Variants in ESYT3 observed in about 807,000 individuals in gnomAD.
ESYT3 encodes extended synaptotagmin-3.
A neutral mutation model predicts 111.5 loss-of-function variants in ESYT3; 101 were observed. The ratio of observed to expected loss-of-function variants is 0.91; its 90% CI spans 0.77 to 1.07. The LOEUF (loss-of-function observed/expected upper bound fraction) is 1.07. ESYT3 is among the 50% of genes least tolerant of loss of function. ESYT3 has a pLI of 0.00. For missense variants in ESYT3, 1,097 were observed against 1,109.4 expected (o/e 0.99, Z 0.16); for synonymous variants, 416 against 446.8 (o/e 0.93, Z 0.87).
chr3:138,451,400 T>G (rs186718589), intron 1 of ESYT3, among the ~76,000 whole-genome samples: 1 of 152,368 alleles, frequency 6.6e-6, no homozygotes, highest in East Asian at 1.9e-4. Context: ...GTTAAGTACT[T>G]ATCACTGGGT....
intron 1 of ESYT3, among the ~76,000 whole-genome samples, chr3:138,441,518 T>G (rs1185755432): frequency 6.6e-6 from 1 of 152,104 alleles, no homozygotes; most frequent in African/African-American, 2.4e-5. Context: ...CTCTGGTGAC[T>G]TTGGGGAGGG....
At chr3:138,443,160 A>G (rs546236484) in intron 1 of ESYT3, among the ~76,000 whole-genome samples, 2 of 152,284 alleles carry the variant, frequency 1.3e-5, no homozygotes, top group East Asian at 1.9e-4. Flanking sequence ...TCATCTGCTC[A>G]GTTCTGCTGG....
chr3:138,474,948 TTC>T (rs1560248554), intron 20 of ESYT3, among the ~76,000 whole-genome samples: 1 of 152,234 alleles, frequency 6.6e-6, no homozygotes, highest in African/African-American at 2.4e-5. Context: ...TACCTTCTGC[TTC>T]AGGGTTCTAA....
Position 138,459,196 on chromosome 3 carries a change from G to T in ESYT3, c.591G>T (p.Gly197=), listed in dbSNP as rs1217363814. The change falls in exon 5 of 23, where the codon GGG becomes GGT. Residue 197 remains glycine, a synonymous_variant. Coordinates refer to ENST00000389567, the MANE Select transcript of ESYT3 (RefSeq NM_031913.5). Reference sequence around the variant, plus strand: ...CCACCCCCCATTTCAGCTACATCGGGGACTGTGAGATCAGTGTGGAGCTGC... The same window carrying T: ...CCACCCCCCATTTCAGCTACATCGGTGACTGTGAGATCAGTGTGGAGCTGC... The part of the protein sequence containing the change: ...VTVDLQICYI[G]DCEISVELQK... 1 of 1,537,786 alleles carries T rather than the reference G, an allele frequency of 6.5e-7. No individual in the cohort carries two copies. The highest frequency in any genetic ancestry group is 1.8e-5 in the Admixed American group (1 of 55,938).
At chr3:138,462,327 G>A (rs887209621) in intron 8 of ESYT3, 121 bp downstream of exon 8, 30 of 1,387,464 alleles carry the variant, frequency 2.2e-5, no homozygotes, top group African/African-American at 2.8e-5. Flanking sequence ...CCAGAAAAAT[G>A]GTACAAACAC....
Position 138,477,246 on chromosome 3 carries a change from G to A in ESYT3, c.*392G>A, listed in dbSNP as rs2033528070. 1 of 159,368 alleles carries A rather than the reference G, an allele frequency of 6.3e-6. No homozygotes were observed. Among genetic ancestry groups the A allele is most frequent in the Non-Finnish European group, 1.4e-5 (1 of 73,052 alleles). The allele number at this position is 159,368 out of a possible 1,614,324, so 9.9% of individuals were successfully genotyped here. Reference sequence around the variant, plus strand: ...AGAAAGTGTCCTGCCTCTGGCATAGGGGCTGGGGGAGGTCTGTTTCTGGAG... The same window carrying A: ...AGAAAGTGTCCTGCCTCTGGCATAGAGGCTGGGGGAGGTCTGTTTCTGGAG... On this transcript the variant is annotated 3_prime_UTR_variant, in exon 23 of 23. Transcript: ENST00000389567.
chr3:138,451,033 C>T (rs1450495260), intron 1 of ESYT3, among the ~76,000 whole-genome samples: 7 of 152,232 alleles, frequency 4.6e-5, no homozygotes, highest in Non-Finnish European at 7.3e-5. Flanking sequence ...ACGCTTACTC[C>T]TCTGTAAGAA....
At chr3:138,476,200 C>T in intron 20 of ESYT3, 23 bp from the exon 21 acceptor site, 2 of 1,436,684 alleles carry the variant, frequency 1.4e-6, no homozygotes, top group South Asian at 1.2e-5. Context: ...GCATAATTCT[C>T]ACTTCCTTTT....
At chr3:138,467,980 T>C in intron 11 of ESYT3, 125 bp from the exon 12 acceptor site, 1 of 781,224 alleles carries the variant, frequency 1.3e-6, no homozygotes, top group Admixed American at 2.3e-5. Flanking sequence ...GGTCCACCTT[T>C]TCCCATACTA....
chr3:138,443,467 C>T (rs1273973712), intron 1 of ESYT3, among the ~76,000 whole-genome samples: 1 of 152,190 alleles, frequency 6.6e-6, no homozygotes, highest in Non-Finnish European at 1.5e-5. Context: ...AGAGCAGCAG[C>T]TGATCTTGGG....
At chr3:138,461,921 T>C (rs1045092703) in intron 7 of ESYT3, among the ~76,000 whole-genome samples, 165 bp from the exon 8 acceptor site, 2 of 151,968 alleles carry the variant, frequency 1.3e-5, no homozygotes, top group Non-Finnish European at 2.9e-5. Context: ...GCTGTCACGA[T>C]GTATAGGCAC....
chr3:138,466,490 A>T (rs1203151396), intron 10 of ESYT3, among the ~76,000 whole-genome samples: 2 of 152,198 alleles, frequency 1.3e-5, no homozygotes, highest in African/African-American at 4.8e-5. Flanking sequence ...CAATTTTTGT[A>T]ATGTTGCAGA....
At position 138,457,569 on chromosome 3, in the gene ESYT3, G is replaced by A. The variant is rs766107080; in HGVS notation, c.506G>A (p.Cys169Tyr). ...TAGCCCTTTTGGCATTTCTTCCAGT[G>A]TCCCAGGGTCAACGGTGTCAAGGCA... ...TFTKLYFGQK[C>Y]PRVNGVKAHT... The change falls in exon 4 of 23, where the codon TGT becomes TAT. Residue 169 changes from cysteine to tyrosine, a missense_variant and splice_region_variant. Cys to Tyr is a radical substitution (Grantham distance 194). Transcript: ENST00000389567. The A allele has an allele frequency of 3.7e-6, 6 of 1,614,130 alleles. No homozygotes were observed. In the South Asian group the frequency reaches 6.6e-5, roughly 18 times the overall value.
intron 8 of ESYT3, among the ~76,000 whole-genome samples, chr3:138,463,999 A>G (rs2032788120): frequency 6.6e-6 from 1 of 152,198 alleles, no homozygotes; most frequent in Non-Finnish European, 1.5e-5. Context: ...AGGACACACA[A>G]CAGAGGGGTC....
intron 1 of ESYT3, among the ~76,000 whole-genome samples, chr3:138,448,235 C>G (rs2108599434): frequency 6.9e-6 from 1 of 144,878 alleles, no homozygotes; most frequent in South Asian, 2.2e-4. Context: ...CCATTGCACT[C>G]CAGCCTGGGC....
intron 3 of ESYT3, among the ~76,000 whole-genome samples, chr3:138,457,215 A>T (rs1455492611): frequency 6.6e-6 from 1 of 152,204 alleles, no homozygotes; most frequent in African/African-American, 2.4e-5. Flanking sequence ...GCCTATGCCC[A>T]GCTCCACCCT....
chr3:138,464,288 C>G (rs923890695), intron 8 of ESYT3, 57 bp from the exon 9 acceptor site: 22 of 1,591,162 alleles, frequency 1.4e-5, no homozygotes, highest in South Asian at 3.4e-5. Flanking sequence ...CTCTGATACT[C>G]CAGGACTTGG....
intron 12 of ESYT3, 30 bp downstream of exon 12, chr3:138,468,224 C>A (rs373940099): frequency 9.2e-5 from 148 of 1,604,500 alleles, no homozygotes; most frequent in Non-Finnish European, 1.2e-4. Flanking sequence ...GGCTCCCTTG[C>A]AGAAAGGTGG....
At chr3:138,458,490 G>A (rs1178447587) in intron 4 of ESYT3, among the ~76,000 whole-genome samples, 1 of 152,246 alleles carries the variant, frequency 6.6e-6, no homozygotes, top group Non-Finnish European at 1.5e-5. Flanking sequence ...CTTTCAAGAG[G>A]CACTCGGTTT....
Sources: gnomAD v4.1 joint callset for allele counts (sites outside exome capture counted in the v4.1 genomes callset) on GRCh38, gnomAD v4.1.1 for gene constraint, MANE v1.5 for transcripts, NCBI Gene and HGNC (gene_info 2026-07-23, HGNC 2026-07-21) for gene names.